The following LAMA3 variants were observed in gnomAD, a reference collection of about 807,000 sequenced individuals.
LAMA3 encodes the protein laminin subunit alpha-3.
A neutral mutation model predicts 402.0 loss-of-function variants in LAMA3; 281 were observed. That is an observed-to-expected ratio of 0.70 (90% CI 0.63 to 0.77). The LOEUF (loss-of-function observed/expected upper bound fraction) is 0.77, where lower values mean the gene tolerates loss of function less well. LAMA3 is among the 30% of genes least tolerant of loss of function. The pLI, the probability that LAMA3 is intolerant of heterozygous loss-of-function variation, is 0.00. For missense variants in LAMA3, 3,840 were observed against 4,215.5 expected (o/e 0.91, Z 2.47); for synonymous variants, 1,431 against 1,558.4 (o/e 0.92, Z 1.93).
At chr18:23,785,487 C>T (rs530131182) in intron 12 of LAMA3, among the ~76,000 whole-genome samples, 1 of 152,284 alleles carries the variant, frequency 6.6e-6, no homozygotes, top group Admixed American at 6.5e-5. Flanking sequence ...AAAAATAGTG[C>T]CTGTCTCATA....
intron 21 of LAMA3, among the ~76,000 whole-genome samples, 157 bp from the exon 22 acceptor site, chr18:23,826,545 G>A (rs924671876): frequency 5.9e-5 from 9 of 152,032 alleles, no homozygotes; most frequent in Admixed American, 3.3e-4. Flanking sequence ...TTTGTGTTTC[G>A]GTGAGTCGGG....
In LAMA3 at chr18:23,811,876, T is replaced by G. The variant is rs187643201; in HGVS notation, c.1742-1181T>G. On this transcript the variant is annotated intron_variant, in intron 13 of 74. Transcript: ENST00000313654. ...TAGAATTTTTATTTATTTTTGATTTTATTTTATTTTTTTTTGAGACAGAGT... is the reference window on the plus strand; with the variant it reads ...TAGAATTTTTATTTATTTTTGATTTGATTTTATTTTTTTTTGAGACAGAGT... 4.5e-3 allele frequency among the ~76,000 whole-genome samples: 678 copies of G among 151,392 alleles called. 3 individuals are homozygous for G. The highest frequency in any genetic ancestry group is 0.015 in the African/African-American group (608 of 40,812).
At chr18:23,906,839 GT>G (rs2081264852) in intron 52 of LAMA3, among the ~76,000 whole-genome samples, 1 of 152,188 alleles carries the variant, frequency 6.6e-6, no homozygotes. Flanking sequence ...TGCTAACTAT[GT>G]TGCTATGTAA....
chr18:23,889,597 A>G lies in LAMA3; in HGVS notation c.5304-414A>G, dbSNP rs144837676. ...AGAAAGAAAGAAAAGAGAGAAATAAAGAAAGAAAGAAAAAGGAAAGGAAAG... is the reference window on the plus strand; with the variant it reads ...AGAAAGAAAGAAAAGAGAGAAATAAGGAAAGAAAGAAAAAGGAAAGGAAAG... On this transcript the variant is annotated intron_variant, in intron 41 of 74. Coordinates refer to ENST00000313654, the MANE Select transcript of LAMA3 (RefSeq NM_198129.4). 8.7e-3 allele frequency among the ~76,000 whole-genome samples: 1,294 copies of G among 149,016 alleles called. 10 individuals are homozygous for G. Among genetic ancestry groups the G allele is most frequent in the South Asian group, 0.067 (303 of 4,540 alleles).
At chr18:23,716,735 C>G (rs752278440) in intron 2 of LAMA3, among the ~76,000 whole-genome samples, 1 of 152,204 alleles carries the variant, frequency 6.6e-6, no homozygotes, top group Non-Finnish European at 1.5e-5. Flanking sequence ...TCCACCCACC[C>G]GCTCTGCTCT....
chr18:23,846,473 G>A lies in LAMA3; in HGVS notation c.3896G>A (p.Cys1299Tyr), dbSNP rs969845591. ...PNVIGRQCTR[C>Y]ATGHYGFPRC... The stretch of plus-strand genomic sequence containing the variant: ...GTCATCGGGCGGCAGTGCACCCGCT[G>A]TGCAACAGGCCACTACGGATTCCCA... Residue 1299 changes from cysteine (C) to tyrosine (Y), a missense_variant, in exon 31 of 75, where the codon TGT (cysteine) becomes TAT (tyrosine). By Grantham distance (194) the Cys-to-Tyr change is radical. This residue lies in a region of LAMA3 where 2,109 missense variants were observed against 2,376.0 expected (regional missense o/e 0.89). Transcript: ENST00000313654. 7.4e-6 allele frequency: 12 copies of A among 1,612,366 alleles called. No individual in the cohort carries two copies. The highest frequency in any genetic ancestry group is 1.1e-5 in the South Asian group (1 of 91,090).
chr18:23,938,773 G>A (rs1167923234), intron 67 of LAMA3, among the ~76,000 whole-genome samples: 1 of 151,566 alleles, frequency 6.6e-6, no homozygotes, highest in Non-Finnish European at 1.5e-5. Flanking sequence ...AGCTTTCAGA[G>A]AAGAACCCAG....
At chr18:23,914,306 T>C in intron 56 of LAMA3, 104 bp from the exon 57 acceptor site, 1 of 1,173,986 alleles carries the variant, frequency 8.5e-7, no homozygotes, top group South Asian at 1.3e-5. Flanking sequence ...CCAAGGCTTA[T>C]TGCCTAAAAC....
chr18:23,762,867 T>G (rs998161997), intron 7 of LAMA3, among the ~76,000 whole-genome samples: 1 of 149,812 alleles, frequency 6.7e-6, no homozygotes, highest in Non-Finnish European at 1.5e-5. Flanking sequence ...TATATTTTTT[T>G]TTTTTTTGAG....
chr18:23,726,476 G>A (rs2061302323), intron 2 of LAMA3, among the ~76,000 whole-genome samples: 1 of 152,202 alleles, frequency 6.6e-6, no homozygotes, highest in African/African-American at 2.4e-5. Context: ...GGTGTCTTTT[G>A]GCTCAGGCGC....
At chr18:23,743,962 C>T (rs1267788568) in intron 2 of LAMA3, among the ~76,000 whole-genome samples, 1 of 152,154 alleles carries the variant, frequency 6.6e-6, no homozygotes, top group Non-Finnish European at 1.5e-5. Flanking sequence ...CTCATGTGTG[C>T]TTTGAAGTAT....
chr18:23,875,518 A>G (rs1013862356), intron 38 of LAMA3, among the ~76,000 whole-genome samples: 6 of 152,192 alleles, frequency 3.9e-5, no homozygotes, highest in Middle Eastern at 3.4e-3. Flanking sequence ...GATGTTCGTG[A>G]ACAGTCCTGT....
chr18:23,760,427 T>C (rs1438411031), intron 7 of LAMA3, among the ~76,000 whole-genome samples: 1 of 152,122 alleles, frequency 6.6e-6, no homozygotes, highest in Non-Finnish European at 1.5e-5. Context: ...ATTTGTGTAA[T>C]ATCTAATTAA....
At chr18:23,798,992 T>A (rs2062819504) in intron 12 of LAMA3, among the ~76,000 whole-genome samples, 1 of 152,216 alleles carries the variant, frequency 6.6e-6, no homozygotes, top group Non-Finnish European at 1.5e-5. Context: ...TACAATGAAG[T>A]AACACGTATC....
intron 2 of LAMA3, among the ~76,000 whole-genome samples, chr18:23,729,378 C>G (rs1325064100): frequency 6.6e-6 from 1 of 152,092 alleles, no homozygotes; most frequent in African/African-American, 2.4e-5. Flanking sequence ...CATACCAAAG[C>G]CATACATATG....
At chr18:23,765,047 A>G (rs1472519034) in intron 8 of LAMA3, among the ~76,000 whole-genome samples, 1 of 152,266 alleles carries the variant, frequency 6.6e-6, no homozygotes, top group Non-Finnish European at 1.5e-5. Flanking sequence ...AAAAATAAGC[A>G]GGAAGATACT....
At chr18:23,745,844 G>T (rs1200594587) in intron 2 of LAMA3, among the ~76,000 whole-genome samples, 2 of 152,186 alleles carry the variant, frequency 1.3e-5, no homozygotes, top group Non-Finnish European at 2.9e-5. Context: ...GATTAAGAAT[G>T]CTTTGAATGA....
chr18:23,949,792 T>C lies in LAMA3; in HGVS notation c.9379T>C (p.Cys3127Arg). 2.5e-6 allele frequency: 4 copies of C among 1,614,126 alleles called. No individual in the cohort carries two copies. Among genetic ancestry groups the C allele is most frequent in the Non-Finnish European group, 3.4e-6 (4 of 1,180,018 alleles). Residue 3127 changes from cysteine (C) to arginine (R), a missense_variant, in exon 71 of 75, where the codon TGC becomes CGC. This residue lies in a region of LAMA3 where 840 missense variants were observed against 981.9 expected (regional missense o/e 0.86). Coordinates refer to ENST00000313654, the MANE Select transcript of LAMA3 (RefSeq NM_198129.4). ...KSLPTNSFVG[C>R]LKNFQLDSKP... ...CCTCCCCACAAACAGCTTTGTGGGATGCCTGAAGAACTTTCAGCTGGATTC... is the reference window on the plus strand; with the variant it reads ...CCTCCCCACAAACAGCTTTGTGGGACGCCTGAAGAACTTTCAGCTGGATTC...
intron 27 of LAMA3, among the ~76,000 whole-genome samples, chr18:23,841,260 G>A (rs1220024464): frequency 6.6e-6 from 1 of 152,184 alleles, no homozygotes; most frequent in African/African-American, 2.4e-5. Context: ...TGAAAAATGA[G>A]GATGAGCTTT....
Sources: allele counts gnomAD v4.1 joint callset (sites outside exome capture counted in the v4.1 genomes callset), GRCh38; gene constraint gnomAD v4.1.1; regional missense constraint gnomAD v4.1.1; transcripts MANE v1.5; gene names NCBI Gene and HGNC (gene_info 2026-07-23, HGNC 2026-07-21).